The following CNOT6L variants were observed in gnomAD, a reference collection of about 807,000 sequenced individuals.
The protein encoded by CNOT6L is CCR4-NOT transcription complex subunit 6-like.
Under a neutral mutation model 64.0 loss-of-function variants are expected in CNOT6L, and 7 were observed. The observed-to-expected ratio is 0.11, with a 90% CI of 0.06 to 0.21. The LOEUF is 0.21. Ranked by LOEUF, CNOT6L falls within the 10% of genes least tolerant of loss-of-function variation. The pLI is 1.00. For synonymous variants in CNOT6L, 193 were observed against 243.4 expected (o/e 0.79, Z 1.93); for missense variants, 245 against 669.0 (o/e 0.37, Z 6.99).
At chr4:77,806,114 A>C (rs932515522) in intron 1 of CNOT6L, among the ~76,000 whole-genome samples, 1 of 152,172 alleles carries the variant, frequency 6.6e-6, no homozygotes, top group African/African-American at 2.4e-5. Context: ...TGAATACCTC[A>C]ACTAGATTAA....
chr4:77,804,836 GAAAA>G (rs919869406), intron 1 of CNOT6L, among the ~76,000 whole-genome samples: 2 of 151,538 alleles, frequency 1.3e-5, no homozygotes. Context: ...GTTTTCAAAT[GAAAA>G]AAAAGCAAAT....
intron 1 of CNOT6L, among the ~76,000 whole-genome samples, chr4:77,797,120 A>AAAAAC (rs1553897485): frequency 1.3e-5 from 2 of 150,852 alleles, no homozygotes; most frequent in African/African-American, 2.4e-5. Context: ...AAAAAAAAAA[A>AAAAAC]AAAAAACTGC....
At chr4:77,799,087 G>C (rs1443794920) in intron 1 of CNOT6L, among the ~76,000 whole-genome samples, 3 of 151,550 alleles carry the variant, frequency 2.0e-5, no homozygotes, top group Non-Finnish European at 4.4e-5. Context: ...AGATTAAACT[G>C]AACTCAAATG....
At chr4:77,802,551 T>A (rs1731713784) in intron 1 of CNOT6L, among the ~76,000 whole-genome samples, 1 of 152,216 alleles carries the variant, frequency 6.6e-6, no homozygotes, top group African/African-American at 2.4e-5. Flanking sequence ...CATTATTTCT[T>A]GAAACTTTCC....
At chr4:77,820,195 A>G (rs1354073097), upstream of CNOT6L, among the ~76,000 whole-genome samples, 3 of 152,082 alleles carry the variant, frequency 2.0e-5, no homozygotes, top group Admixed American at 6.5e-5. Context: ...CGATATCGGT[A>G]TTGAGATTAA....
intron 1 of CNOT6L, among the ~76,000 whole-genome samples, chr4:77,780,662 T>C (rs993894496): frequency 6.6e-6 from 1 of 152,216 alleles, no homozygotes; most frequent in Non-Finnish European, 1.5e-5. Context: ...ACTTCTTATA[T>C]ACTCCTTACA....
At chr4:77,790,748 C>A (rs1166998808) in intron 1 of CNOT6L, among the ~76,000 whole-genome samples, 2 of 151,128 alleles carry the variant, frequency 1.3e-5, no homozygotes, top group African/African-American at 4.9e-5. Flanking sequence ...GTCGCCCAGG[C>A]TAGAGTTCTC....
chr4:77,760,860 C>CTTTTTTTTTTTTTTTTTTTTT (rs754195745), intron 4 of CNOT6L, among the ~76,000 whole-genome samples: 1 of 29,982 alleles, frequency 3.3e-5, no homozygotes, highest in Non-Finnish European at 5.7e-5. Context: ...CCATGCCTGG[C>CTTTTTTTTTTTTTTTTTTTTT]TTTTTTTTTT....
At chr4:77,731,603 G>A (rs2109894985) in intron 8 of CNOT6L, 65 bp from the exon 9 acceptor site, 1 of 1,200,000 alleles carries the variant, frequency 8.3e-7, no homozygotes, top group Non-Finnish European at 1.2e-6. Flanking sequence ...TTAAATGAAA[G>A]AAACATGACA....
intron 5 of CNOT6L, among the ~76,000 whole-genome samples, chr4:77,752,164 C>A (rs769042646): frequency 1.3e-5 from 2 of 151,652 alleles, no homozygotes; most frequent in Non-Finnish European, 2.9e-5. Context: ...AAATGGAACA[C>A]CAAAAAAGGA....
intron 1 of CNOT6L, among the ~76,000 whole-genome samples, chr4:77,804,362 G>A (rs967729225): frequency 2.0e-5 from 3 of 151,666 alleles, no homozygotes; most frequent in African/African-American, 7.3e-5. Context: ...CTGGGAGGCG[G>A]AGGCTGTGGT....
At chr4:77,780,929 T>G (rs1272830884) in intron 1 of CNOT6L, among the ~76,000 whole-genome samples, 1 of 151,962 alleles carries the variant, frequency 6.6e-6, no homozygotes, top group African/African-American at 2.4e-5. Flanking sequence ...CACCTCTGAA[T>G]AGCCACTGCA....
chr4:77,728,245 A>T (rs1247530367), intron 10 of CNOT6L, among the ~76,000 whole-genome samples: 1 of 152,224 alleles, frequency 6.6e-6, no homozygotes, highest in African/African-American at 2.4e-5. Flanking sequence ...TAACATTATT[A>T]AACTAGAGAG....
intron 4 of CNOT6L, among the ~76,000 whole-genome samples, chr4:77,767,703 G>A (rs986745541): frequency 3.3e-5 from 5 of 151,322 alleles, no homozygotes; most frequent in Non-Finnish European, 7.4e-5. Context: ...CAAGGGCCAG[G>A]TGCAGTGGCT....
At chr4:77,780,878 G>A (rs559420595) in intron 1 of CNOT6L, among the ~76,000 whole-genome samples, 25 of 152,204 alleles carry the variant, frequency 1.6e-4, no homozygotes, top group African/African-American at 5.8e-4. Flanking sequence ...TGGAGGGATC[G>A]CTTGCAGCTA....
Position 77,781,061 on chromosome 4 carries a change from C to T in CNOT6L, c.6-4669G>A, listed in dbSNP as rs569630635. ...TGGATGAAGCTGGAAGCCATCATTC[C>T]CAGCAAACTAACACAGGAACAGAAA... On this transcript the variant is annotated intron_variant, in intron 1 of 11. Coordinates refer to ENST00000504123, the MANE Select transcript of CNOT6L (RefSeq NM_144571.3). 2.1e-3 allele frequency among the ~76,000 whole-genome samples: 320 copies of T among 152,200 alleles called. 1 individual carries two copies. The highest frequency in any genetic ancestry group is 5.0e-3 in the East Asian group (26 of 5,180).
chr4:77,810,610 C>T (rs1442836166), intron 1 of CNOT6L, among the ~76,000 whole-genome samples: 1 of 151,956 alleles, frequency 6.6e-6, no homozygotes, highest in Non-Finnish European at 1.5e-5. Flanking sequence ...ATCAGCATAT[C>T]CATCATCTCA....
intron 10 of CNOT6L, among the ~76,000 whole-genome samples, chr4:77,726,885 G>A (rs894372989): frequency 3.9e-5 from 6 of 152,108 alleles, no homozygotes; most frequent in Admixed American, 2.6e-4. Context: ...TCTTTATTTT[G>A]AGCTAGAGTG....
chr4:77,754,888 T>TAAAAAAA, intron 5 of CNOT6L, among the ~76,000 whole-genome samples: 4,615 of 36,460 alleles, frequency 0.13, 1,236 homozygotes, highest in East Asian at 0.18. Context: ...ACATTAGAAG[T>TAAAAAAA]AAAAAAAAAA....
Sources: gnomAD v4.1 joint callset for allele counts (sites outside exome capture counted in the v4.1 genomes callset) on GRCh38, gnomAD v4.1.1 for gene constraint, MANE v1.5 for transcripts, NCBI Gene and HGNC (gene_info 2026-07-23, HGNC 2026-07-21) for gene names.